The following NAALADL2 variants were observed in gnomAD, a reference collection of about 807,000 sequenced individuals.
NAALADL2 encodes inactive N-acetylated-alpha-linked acidic dipeptidase-like protein 2.
A neutral mutation model predicts 87.2 loss-of-function variants in NAALADL2; 76 were observed. The ratio of observed to expected loss-of-function variants is 0.87; its 90% CI spans 0.72 to 1.05. NAALADL2 has a LOEUF of 1.05. NAALADL2 is among the 50% of genes least tolerant of loss of function. The probability of loss-of-function intolerance (pLI) is 0.00; values close to 1 mark genes in which losing one functional copy is unlikely to be tolerated. For missense variants in NAALADL2, 1,089 were observed against 945.8 expected (o/e 1.15, Z -1.99); for synonymous variants, 354 against 331.0 (o/e 1.07, Z -0.75).
At chr3:175,482,762 A>G (rs1726682972) in intron 9 of NAALADL2, among the ~76,000 whole-genome samples, 1 of 151,774 alleles carries the variant, frequency 6.6e-6, no homozygotes, top group Non-Finnish European at 1.5e-5. Context: ...TATCTGGATA[A>G]TATTCTGATA....
chr3:174,931,653 G>A (rs1229455483), intron 1 of NAALADL2, among the ~76,000 whole-genome samples: 1 of 152,054 alleles, frequency 6.6e-6, no homozygotes, highest in African/African-American at 2.4e-5. Context: ...TCTCTTCAAG[G>A]GTAGATAAGA....
At chr3:174,985,025 T>A (rs112748386) in intron 1 of NAALADL2, among the ~76,000 whole-genome samples, 2,895 of 152,302 alleles carry the variant, frequency 0.019, 76 homozygotes, top group African/African-American at 0.066. Context: ...AAGGTCATGA[T>A]GAAAGTGTTT....
chr3:175,171,645 T>A (rs962012064), intron 2 of NAALADL2, among the ~76,000 whole-genome samples: 1 of 152,142 alleles, frequency 6.6e-6, no homozygotes, highest in Non-Finnish European at 1.5e-5. Context: ...TTTCTTCTGA[T>A]TACATTACTA....
chr3:174,499,691 T>C (rs1254058422), intron 1 of NAALADL2, among the ~76,000 whole-genome samples: 2 of 152,126 alleles, frequency 1.3e-5, no homozygotes, highest in African/African-American at 2.4e-5. Context: ...CATTTTCCAC[T>C]AAATTGTCTT....
At chr3:174,529,545 CT>C (rs1721055978) in intron 1 of NAALADL2, among the ~76,000 whole-genome samples, 1 of 152,230 alleles carries the variant, frequency 6.6e-6, no homozygotes, top group African/African-American at 2.4e-5. Context: ...GCACGTTTCC[CT>C]TTAGCACTGC....
intron 11 of NAALADL2, chr3:175,675,340 G>A (rs553293715): frequency 6.6e-6 from 1 of 152,254 alleles, no homozygotes; most frequent in East Asian, 1.9e-4. Context: ...CTCTCTTAAG[G>A]AGACTTACAG....
In NAALADL2 at chr3:175,434,048, T is replaced by C. The variant is rs140751945; in HGVS notation, c.1091-13181T>C. Among the ~76,000 whole-genome samples, 9 of 152,030 alleles carry C rather than the reference T, an allele frequency of 5.9e-5. No individual in the cohort carries two copies. The East Asian group carries it at 1.5e-3, about 26-fold the overall frequency. ...GTGGTAATCAGGTCACAGTTCTACA[T>C]GTGACTAAGAGCAAAAATTAATTTT... On this transcript the variant is annotated intron_variant, in intron 5 of 13. Coordinates refer to ENST00000454872, the MANE Select transcript of NAALADL2 (RefSeq NM_207015.3).
intron 5 of NAALADL2, among the ~76,000 whole-genome samples, chr3:175,356,889 A>G (rs1364860818): frequency 2.6e-5 from 4 of 152,118 alleles, no homozygotes; most frequent in African/African-American, 9.7e-5. Context: ...ACATGTTCGT[A>G]TAATTACTAT....
intron 11 of NAALADL2, among the ~76,000 whole-genome samples, chr3:175,697,482 A>G (rs1461882588): frequency 6.6e-6 from 1 of 151,442 alleles, no homozygotes; most frequent in African/African-American, 2.4e-5. Flanking sequence ...TAGGTGTAGT[A>G]GTTGAGTTAG....
chr3:174,668,990 G>A (rs1336566438), intron 2 of NAALADL2, among the ~76,000 whole-genome samples: 1 of 152,124 alleles, frequency 6.6e-6, no homozygotes, highest in Admixed American at 6.5e-5. Context: ...CTGAGGAATT[G>A]CCACACTGAC....
intron 1 of NAALADL2, among the ~76,000 whole-genome samples, chr3:174,441,415 C>T (rs1422410319): frequency 7.2e-5 from 11 of 152,174 alleles, no homozygotes; most frequent in Non-Finnish European, 2.9e-5. Context: ...CACGTTCACA[C>T]ACGTATGCAG....
chr3:175,495,073 C>CATATAT (rs372953738), intron 9 of NAALADL2, among the ~76,000 whole-genome samples: 147 of 126,176 alleles, frequency 1.2e-3, no homozygotes, highest in Middle Eastern at 3.9e-3. Flanking sequence ...TAAGCAATCC[C>CATATAT]ATATATATAT....
intron 4 of NAALADL2, among the ~76,000 whole-genome samples, chr3:175,281,668 A>C (rs1248648083): frequency 6.6e-6 from 1 of 151,974 alleles, no homozygotes; most frequent in African/African-American, 2.4e-5. Flanking sequence ...GTATGCGATT[A>C]AATTTTTTTC....
intron 13 of NAALADL2, among the ~76,000 whole-genome samples, chr3:175,792,339 T>C (rs1316298281): frequency 6.6e-6 from 1 of 151,206 alleles, no homozygotes; most frequent in African/African-American, 2.4e-5. Flanking sequence ...GTAATTAACA[T>C]TAAATCATTC....
intron 2 of NAALADL2, among the ~76,000 whole-genome samples, chr3:174,607,757 C>A (rs957511949): frequency 6.6e-6 from 1 of 152,062 alleles, no homozygotes; most frequent in Admixed American, 6.6e-5. Context: ...GACAGATCAA[C>A]GAGACAGAAA....
rs1560950959 is a variant in NAALADL2, at chr3:175,671,413, G to A, written c.1896+44027G>A. Among the ~76,000 whole-genome samples, 5 of 151,936 alleles carry A rather than the reference G, an allele frequency of 3.3e-5. No homozygotes were observed. In the East Asian group the frequency reaches 5.8e-4, roughly 18 times the overall value. ...CTTTCTCTTTAAATTGCTAGCAACT[G>A]TTATCTTCCCTCTTAATGATAGTTT... On this transcript the variant is annotated intron_variant, in intron 11 of 13. Transcript: ENST00000454872.
chr3:174,779,357 G>A lies in NAALADL2; in HGVS notation c.-9+41611G>A, dbSNP rs140528019. Among the ~76,000 whole-genome samples, 382 of 151,782 alleles carry A rather than the reference G, an allele frequency of 2.5e-3. 2 individuals are homozygous for A. Among genetic ancestry groups the A allele is most frequent in the African/African-American group, 8.9e-3 (367 of 41,406 alleles). On this transcript the variant is annotated intron_variant, in intron 3 of 3. Coordinates refer to the NAALADL2 transcript ENST00000434257. ...TCTTGTAAATTTGTTTAAGTTCTTT[G>A]TAGATTCTGGACATAAGCCCTTTAT...
chr3:175,548,228 A>G (rs901486648), intron 9 of NAALADL2, among the ~76,000 whole-genome samples: 3 of 152,106 alleles, frequency 2.0e-5, no homozygotes, highest in African/African-American at 7.2e-5. Context: ...GCCATAAAAA[A>G]CAATGATATT....
chr3:175,448,781 C>G (rs1308986700), intron 6 of NAALADL2, among the ~76,000 whole-genome samples: 2 of 152,172 alleles, frequency 1.3e-5, no homozygotes, highest in Non-Finnish European at 2.9e-5. Flanking sequence ...TTAATCATAG[C>G]TCACTGCAGC....
Sources: gnomAD v4.1 joint callset for allele counts (sites outside exome capture counted in the v4.1 genomes callset) on GRCh38, gnomAD v4.1.1 for gene constraint, MANE v1.5 for transcripts, NCBI Gene and HGNC (gene_info 2026-07-23, HGNC 2026-07-21) for gene names.